The following MAD1L1 variants were observed in gnomAD, a reference collection of about 807,000 sequenced individuals.
The protein encoded by MAD1L1 is mitotic spindle assembly checkpoint protein MAD1.
In MAD1L1, 95 loss-of-function variants were observed where a neutral mutation model predicts 96.9. The ratio of observed to expected loss-of-function variants is 0.98; its 90% CI spans 0.83 to 1.16. The LOEUF (loss-of-function observed/expected upper bound fraction) is 1.16, where lower values mean the gene tolerates loss of function less well. Ranked by LOEUF, MAD1L1 falls within the 50% of genes most tolerant of loss-of-function variation. The pLI is 0.00. For missense variants in MAD1L1, 1,007 were observed against 954.4 expected, an observed-to-expected ratio of 1.06 and a Z score of -0.73; for synonymous variants, 473 against 396.6, an observed-to-expected ratio of 1.19 and a Z score of -2.29.
chr7:2,056,663 C>G (rs1373317998), intron 12 of MAD1L1, among the ~76,000 whole-genome samples: 2 of 152,182 alleles, frequency 1.3e-5, no homozygotes, highest in South Asian at 2.1e-4. Context: ...TCCCACCCAG[C>G]GCCCATTATC....
chr7:1,901,865 A>C (rs1787266049), intron 17 of MAD1L1, among the ~76,000 whole-genome samples: 1 of 152,106 alleles, frequency 6.6e-6, no homozygotes, highest in Non-Finnish European at 1.5e-5. Context: ...CCCTCTGCCT[A>C]GATACCGGCC....
intron 15 of MAD1L1, among the ~76,000 whole-genome samples, chr7:1,977,256 C>G (rs887764021): frequency 6.6e-6 from 1 of 152,232 alleles, no homozygotes; most frequent in Non-Finnish European, 1.5e-5. Context: ...CCAAGCGCTG[C>G]CCCACGGGGA....
intron 18 of MAD1L1, among the ~76,000 whole-genome samples, chr7:1,876,153 C>G (rs1181240818): frequency 6.6e-6 from 1 of 152,178 alleles, no homozygotes; most frequent in Admixed American, 6.5e-5. Flanking sequence ...GTGAACTAGC[C>G]CCTTGGCTCC....
At chr7:2,115,019 G>A (rs983297692) in intron 11 of MAD1L1, among the ~76,000 whole-genome samples, 4 of 152,208 alleles carry the variant, frequency 2.6e-5, no homozygotes, top group African/African-American at 7.2e-5. Flanking sequence ...AGAGCAGAGC[G>A]CCTGGGAGAC....
intron 13 of MAD1L1, among the ~76,000 whole-genome samples, chr7:2,005,009 G>A (rs193053878): frequency 7.9e-5 from 12 of 152,330 alleles, no homozygotes; most frequent in East Asian, 5.8e-4. Flanking sequence ...CACTGGTCTC[G>A]GGTACCTGGG....
chr7:1,959,959 G>A (rs929645014), intron 15 of MAD1L1, among the ~76,000 whole-genome samples: 1 of 152,140 alleles, frequency 6.6e-6, no homozygotes, highest in African/African-American at 2.4e-5. Context: ...GTGATTAATA[G>A]ATTAAACAAA....
intron 11 of MAD1L1, among the ~76,000 whole-genome samples, chr7:2,110,989 G>C (rs74922224): frequency 1.3e-5 from 2 of 152,160 alleles, no homozygotes; most frequent in South Asian, 4.1e-4. Context: ...TCCCTCCCTC[G>C]AGTCCTGTAC....
chr7:2,081,433 G>A (rs1412678045), intron 11 of MAD1L1, among the ~76,000 whole-genome samples: 1 of 152,202 alleles, frequency 6.6e-6, no homozygotes, highest in East Asian at 1.9e-4. Context: ...ACGCCATCGT[G>A]CGACCCGGGA....
intron 18 of MAD1L1, among the ~76,000 whole-genome samples, chr7:1,875,406 C>G (rs1423300395): frequency 6.6e-6 from 1 of 152,204 alleles, no homozygotes; most frequent in Non-Finnish European, 1.5e-5. Flanking sequence ...AAGAACAACG[C>G]GAAGTTCTGG....
At chr7:1,960,078 C>G (rs539826842) in intron 15 of MAD1L1, among the ~76,000 whole-genome samples, 10 of 152,078 alleles carry the variant, frequency 6.6e-5, no homozygotes, top group African/African-American at 1.9e-4. Flanking sequence ...GGTGATTATA[C>G]TGTGTGTGAG....
intron 11 of MAD1L1, among the ~76,000 whole-genome samples, chr7:2,075,943 GA>G (rs1169421448): frequency 6.6e-6 from 1 of 152,236 alleles, no homozygotes; most frequent in Non-Finnish European, 1.5e-5. Context: ...ACTCTCCCCA[GA>G]AACCATGGGG....
intron 18 of MAD1L1, chr7:1,854,504 T>C (rs1784145342): frequency 2.5e-6 from 1 of 394,230 alleles, no homozygotes; most frequent in East Asian, 8.0e-5. Context: ...GCTTTCTCAC[T>C]GTCTGTCACA....
chr7:2,230,455 C>T, intron 2 of MAD1L1, 94 bp downstream of exon 2: 1 of 298,176 alleles, frequency 3.4e-6, no homozygotes, highest in South Asian at 3.9e-5. Context: ...GCACGTCCCC[C>T]AACTGCACTG....
chr7:1,974,101 G>T (rs532605268), intron 15 of MAD1L1, among the ~76,000 whole-genome samples: 1 of 152,208 alleles, frequency 6.6e-6, no homozygotes, highest in Non-Finnish European at 1.5e-5. Flanking sequence ...GGTAAGGCAC[G>T]GACAGGGTGC....
At chr7:1,847,508 C>G (rs1305128290) in intron 18 of MAD1L1, 1 of 471,032 alleles carries the variant, frequency 2.1e-6, no homozygotes, top group Non-Finnish European at 4.4e-6. Context: ...AGGGGAAGCT[C>G]AGCTGGAAGG....
At chr7:2,125,988 G>A (rs1272079026) in intron 11 of MAD1L1, among the ~76,000 whole-genome samples, 1 of 152,268 alleles carries the variant, frequency 6.6e-6, no homozygotes. Context: ...GTGGGGCCAG[G>A]CGGCCTCCTG....
intron 10 of MAD1L1, chr7:2,200,440 T>C (rs563817722): frequency 1.3e-5 from 2 of 152,456 alleles, no homozygotes; most frequent in South Asian, 4.1e-4. Flanking sequence ...CCTCAGCACC[T>C]GGCTGTGTAA....
At chr7:1,906,068 AAAAAG>A in intron 17 of MAD1L1, among the ~76,000 whole-genome samples, 1 of 151,214 alleles carries the variant, frequency 6.6e-6, no homozygotes, top group Non-Finnish European at 1.5e-5. Flanking sequence ...AAAAAAAAAA[AAAAAG>A]AGCCGGGGCC....
At chr7:1,995,719 A>T (rs543015374) in intron 14 of MAD1L1, among the ~76,000 whole-genome samples, 7 of 152,264 alleles carry the variant, frequency 4.6e-5, no homozygotes, top group Admixed American at 2.6e-4. Context: ...GCGGGGACAT[A>T]CATGCTGGTG....
Sources: gnomAD v4.1 joint callset for allele counts (sites outside exome capture counted in the v4.1 genomes callset) on GRCh38, gnomAD v4.1.1 for gene constraint, MANE v1.5 for transcripts, NCBI Gene and HGNC (gene_info 2026-07-23, HGNC 2026-07-21) for gene names.